The following PLCXD3 variants were observed in gnomAD, a reference collection of about 807,000 sequenced individuals.
The protein encoded by PLCXD3 is PI-PLC X domain-containing protein 3.
Under a neutral mutation model 25.5 loss-of-function variants are expected in PLCXD3, and 19 were observed. The ratio of observed to expected loss-of-function variants is 0.75; its 90% CI spans 0.52 to 1.09. The LOEUF (loss-of-function observed/expected upper bound fraction) is 1.09. Ranked by LOEUF, PLCXD3 falls within the 50% of genes least tolerant of loss-of-function variation. The pLI is 0.00. For missense variants in PLCXD3, 411 were observed against 388.1 expected (o/e 1.06, Z -0.50); for synonymous variants, 174 against 137.6 (o/e 1.26, Z -1.85).
At chr5:41,363,942 T>C (rs912353095) in intron 2 of PLCXD3, among the ~76,000 whole-genome samples, 1 of 152,352 alleles carries the variant, frequency 6.6e-6, no homozygotes, top group East Asian at 1.9e-4. Context: ...CTCTAATCCC[T>C]GGACAGTTGG....
intron 2 of PLCXD3, among the ~76,000 whole-genome samples, chr5:41,370,457 G>A (rs979523000): frequency 6.6e-6 from 1 of 152,086 alleles, no homozygotes; most frequent in Admixed American, 6.6e-5. Flanking sequence ...AACCAAATGT[G>A]GTAAGTTAAA....
intron 1 of PLCXD3, among the ~76,000 whole-genome samples, chr5:41,501,185 C>A (rs1748942772): frequency 1.3e-5 from 2 of 152,010 alleles, no homozygotes; most frequent in Admixed American, 1.3e-4. Flanking sequence ...ACCACATGAT[C>A]CAACAGTCCC....
chr5:41,439,801 T>A (rs1747337810), intron 1 of PLCXD3, among the ~76,000 whole-genome samples: 1 of 152,234 alleles, frequency 6.6e-6, no homozygotes, highest in African/African-American at 2.4e-5. Flanking sequence ...ATTCAATATC[T>A]CAAGATTCTG....
At chr5:41,497,657 A>G (rs1341783149) in intron 1 of PLCXD3, among the ~76,000 whole-genome samples, 1 of 151,918 alleles carries the variant, frequency 6.6e-6, no homozygotes, top group Non-Finnish European at 1.5e-5. Flanking sequence ...ATTGGACTTC[A>G]ACTACAGTTT....
intron 2 of PLCXD3, among the ~76,000 whole-genome samples, chr5:41,371,608 A>C (rs1300779549): frequency 6.6e-6 from 1 of 152,152 alleles, no homozygotes; most frequent in Non-Finnish European, 1.5e-5. Context: ...CCCTTCTAGC[A>C]TCCTCTTACT....
chr5:41,332,631 A>G (rs1303900730), intron 2 of PLCXD3, among the ~76,000 whole-genome samples: 2 of 152,132 alleles, frequency 1.3e-5, no homozygotes, highest in East Asian at 3.8e-4. Context: ...GCTGCTATAA[A>G]GACACATGCA....
chr5:41,441,486 C>T (rs1747383524), intron 1 of PLCXD3, among the ~76,000 whole-genome samples: 1 of 152,134 alleles, frequency 6.6e-6, no homozygotes, highest in Non-Finnish European at 1.5e-5. Context: ...AAATTAGTTT[C>T]TCACCTGGGA....
chr5:41,382,221 T>C lies in PLCXD3; in HGVS notation c.417A>G (p.Val139=). The change falls in exon 2 of 3, where the codon GTA becomes GTG. Residue 139 remains valine (V), a synonymous_variant. Transcript: ENST00000377801. ...NAFLTDHHKE[V]VFLDFNHFYG... is the part of the protein sequence containing the mutation. ...AAAAGTGGTTGAAGTCCAAGAACACTACCTCCTTATGGTGATCTGTGAGGA... is the reference window on the plus strand; with the variant it reads ...AAAAGTGGTTGAAGTCCAAGAACACCACCTCCTTATGGTGATCTGTGAGGA... 2.5e-6 allele frequency: 4 copies of C among 1,613,768 alleles called. No homozygotes were observed. The highest frequency in any genetic ancestry group is 3.4e-6 in the Non-Finnish European group (4 of 1,179,776).
chr5:41,336,058 G>A (rs1743970503), intron 2 of PLCXD3, among the ~76,000 whole-genome samples: 1 of 152,102 alleles, frequency 6.6e-6, no homozygotes, highest in African/African-American at 2.4e-5. Context: ...ATCGATTCAG[G>A]AAGATCAAGA....
intron 1 of PLCXD3, among the ~76,000 whole-genome samples, chr5:41,449,116 C>CTTGGCATTTCTGTATATTATT (rs1390363255): frequency 6.6e-6 from 1 of 152,128 alleles, no homozygotes; most frequent in African/African-American, 2.4e-5. Flanking sequence ...CCATTTACTC[C>CTTGGCATTTCTGTATATTATT]TTGGCATTTC....
chr5:41,317,058 G>T (rs549009826), intron 2 of PLCXD3, among the ~76,000 whole-genome samples: 2 of 152,228 alleles, frequency 1.3e-5, no homozygotes, highest in Non-Finnish European at 2.9e-5. Flanking sequence ...ATGAGACCCA[G>T]TACTTTGCTG....
intron 1 of PLCXD3, among the ~76,000 whole-genome samples, chr5:41,464,080 C>T (rs1747954897): frequency 6.6e-6 from 1 of 152,004 alleles, no homozygotes. Context: ...ACAGACCACT[C>T]CAACCTCATA....
chr5:41,421,630 G>C (rs1420760578), intron 1 of PLCXD3, among the ~76,000 whole-genome samples: 2 of 152,226 alleles, frequency 1.3e-5, no homozygotes, highest in African/African-American at 4.8e-5. Flanking sequence ...GAACCCGAGA[G>C]GCGAAGCTTG....
At chr5:41,436,792 GT>G (rs1210205972) in intron 1 of PLCXD3, among the ~76,000 whole-genome samples, 3 of 151,996 alleles carry the variant, frequency 2.0e-5, no homozygotes, top group Non-Finnish European at 1.5e-5. Flanking sequence ...TTCAGAATAG[GT>G]TTTTCCAAAG....
At chr5:41,494,037 C>T (rs1748781176) in intron 1 of PLCXD3, among the ~76,000 whole-genome samples, 1 of 152,246 alleles carries the variant, frequency 6.6e-6, no homozygotes, top group Non-Finnish European at 1.5e-5. Flanking sequence ...GTTGCTCACG[C>T]TGGGAGCTGT....
chr5:41,492,149 G>A (rs1317693594), intron 1 of PLCXD3, among the ~76,000 whole-genome samples: 4 of 151,856 alleles, frequency 2.6e-5, no homozygotes, highest in African/African-American at 7.3e-5. Flanking sequence ...AAATCTCTCA[G>A]CATTTGCTTG....
At chr5:41,326,806 A>G (rs1743640680) in intron 2 of PLCXD3, among the ~76,000 whole-genome samples, 1 of 152,138 alleles carries the variant, frequency 6.6e-6, no homozygotes, top group Admixed American at 6.6e-5. Flanking sequence ...GTACCTGCCC[A>G]TTAAAATATC....
chr5:41,402,849 A>T (rs941591375), intron 1 of PLCXD3, among the ~76,000 whole-genome samples: 1 of 152,040 alleles, frequency 6.6e-6, no homozygotes, highest in Non-Finnish European at 1.5e-5. Flanking sequence ...AATATTTAAT[A>T]TCATATCATT....
intron 1 of PLCXD3, among the ~76,000 whole-genome samples, chr5:41,399,371 G>A (rs901707117): frequency 6.6e-6 from 1 of 152,012 alleles, no homozygotes; most frequent in Admixed American, 6.6e-5. Flanking sequence ...AACCACAAAA[G>A]ACCTAGAATA....
Sources: gnomAD v4.1 joint callset for allele counts (sites outside exome capture counted in the v4.1 genomes callset) on GRCh38, gnomAD v4.1.1 for gene constraint, MANE v1.5 for transcripts, NCBI Gene and HGNC (gene_info 2026-07-23, HGNC 2026-07-21) for gene names.